FGD6: variants seen among roughly 807,000 people sequenced by gnomAD.
FGD6 encodes the protein FYVE, RhoGEF and PH domain-containing protein 6.
Under a neutral mutation model 149.4 loss-of-function variants are expected in FGD6, and 90 were observed. That is an observed-to-expected ratio of 0.60 (90% CI 0.51 to 0.72). FGD6 has a LOEUF of 0.72. FGD6 is among the 30% of genes least tolerant of loss of function. The probability of loss-of-function intolerance (pLI) is 0.00; values close to 1 mark genes in which losing one functional copy is unlikely to be tolerated. For missense variants in FGD6, 1,437 were observed against 1,684.8 expected (o/e 0.85, Z 2.57); for synonymous variants, 527 against 584.0 (o/e 0.90, Z 1.41).
At chr12:95,152,116 A>G (rs1880325778) in intron 5 of FGD6, among the ~76,000 whole-genome samples, 1 of 152,136 alleles carries the variant, frequency 6.6e-6, no homozygotes, top group African/African-American at 2.4e-5. Flanking sequence ...ACTTGAGCCC[A>G]TGAGTTTGAG....
intron 5 of FGD6, among the ~76,000 whole-genome samples, chr12:95,143,135 T>C (rs1375228646): frequency 1.3e-5 from 2 of 152,146 alleles, no homozygotes; most frequent in Admixed American, 1.3e-4. Context: ...AAATGACTAA[T>C]AGGCCTTATC....
chr12:95,171,307 G>A (rs1003917634), intron 3 of FGD6, among the ~76,000 whole-genome samples: 2 of 152,144 alleles, frequency 1.3e-5, no homozygotes, highest in African/African-American at 4.8e-5. Context: ...TATGGCACAG[G>A]AATTAGGCGA....
At chr12:95,116,444 T>C (rs1246624850) in intron 8 of FGD6, among the ~76,000 whole-genome samples, 1 of 152,194 alleles carries the variant, frequency 6.6e-6, no homozygotes, top group Non-Finnish European at 1.5e-5. Context: ...AATACAGAAG[T>C]ATATCCATGA....
intron 13 of FGD6, among the ~76,000 whole-genome samples, chr12:95,105,570 C>T (rs1051453578): frequency 6.6e-6 from 1 of 152,190 alleles, no homozygotes. Context: ...CAACTAGTTG[C>T]TAAGTCCCTG....
intron 8 of FGD6, among the ~76,000 whole-genome samples, chr12:95,129,573 A>G (rs577369969): frequency 6.6e-6 from 1 of 152,344 alleles, no homozygotes; most frequent in South Asian, 2.1e-4. Flanking sequence ...TCTGATAACT[A>G]CAAGTTAAGA....
At chr12:95,102,299 C>G (rs1878466172) in intron 14 of FGD6, among the ~76,000 whole-genome samples, 1 of 152,052 alleles carries the variant, frequency 6.6e-6, no homozygotes, top group South Asian at 2.1e-4. Context: ...AAAAACTTAG[C>G]TGGGCATGGT....
chr12:95,121,930 G>T (rs897199859), intron 8 of FGD6, among the ~76,000 whole-genome samples: 1 of 151,890 alleles, frequency 6.6e-6, no homozygotes, highest in Non-Finnish European at 1.5e-5. Flanking sequence ...ATTGTCTTGG[G>T]TTTCCTACTT....
intron 2 of FGD6, among the ~76,000 whole-genome samples, chr12:95,181,514 A>G (rs1010700320): frequency 1.3e-5 from 2 of 152,246 alleles, no homozygotes; most frequent in African/African-American, 2.4e-5. Flanking sequence ...CTCCTGAAAC[A>G]AGCACTACAT....
intron 14 of FGD6, among the ~76,000 whole-genome samples, chr12:95,097,209 G>A (rs1397146808): frequency 6.6e-6 from 1 of 152,178 alleles, no homozygotes; most frequent in African/African-American, 2.4e-5. Flanking sequence ...ATTAGCAGAA[G>A]AATCAGCATC....
intron 14 of FGD6, among the ~76,000 whole-genome samples, chr12:95,097,954 A>G (rs1172109415): frequency 6.6e-6 from 1 of 152,214 alleles, no homozygotes; most frequent in Admixed American, 6.5e-5. Flanking sequence ...GTGATGACAA[A>G]GTTAGGACTT....
chr12:95,166,943 A>T (rs558512435), intron 3 of FGD6, among the ~76,000 whole-genome samples: 14 of 142,074 alleles, frequency 9.9e-5, no homozygotes, highest in African/African-American at 3.7e-4. Context: ...TGCAACCTCT[A>T]CCTCCCGGGT....
At chr12:95,163,925 G>C (rs1187180658) in intron 3 of FGD6, among the ~76,000 whole-genome samples, 2 of 152,158 alleles carry the variant, frequency 1.3e-5, no homozygotes, top group African/African-American at 4.8e-5. Flanking sequence ...TCTCCAACTT[G>C]TAAGAACAAT....
intron 8 of FGD6, among the ~76,000 whole-genome samples, chr12:95,131,805 C>T (rs947300219): frequency 6.6e-6 from 1 of 151,988 alleles, no homozygotes; most frequent in African/African-American, 2.4e-5. Flanking sequence ...ATGGAAAAGC[C>T]GAGGTGGGCA....
At chr12:95,109,440 A>T (rs1878738849) in intron 9 of FGD6, among the ~76,000 whole-genome samples, 2 of 152,340 alleles carry the variant, frequency 1.3e-5, no homozygotes, top group Admixed American at 1.3e-4. Flanking sequence ...AGAAACCCAC[A>T]CAAAGATTAT....
In FGD6 at chr12:95,186,320, C is replaced by T. The variant is rs1418855983; in HGVS notation, c.2442-13576G>A. Reference sequence around the variant, plus strand: ...CTGGAGTGTAGTGGCACAATCTCGGCTTACTGCAACCTCTGCCTCCTGGGT... The same window carrying T: ...CTGGAGTGTAGTGGCACAATCTCGGTTTACTGCAACCTCTGCCTCCTGGGT... On this transcript the variant is annotated intron_variant, in intron 2 of 20. Transcript: ENST00000343958. Among the ~76,000 whole-genome samples the T allele has an allele frequency of 3.2e-5, 4 of 124,344 alleles. No individual in the cohort carries two copies. The East Asian group carries it at 1.0e-3, about 32-fold the overall frequency. 81.6% of individuals were successfully genotyped at this position (124,344 alleles called of 152,430 possible).
Position 95,208,800 on chromosome 12 carries a change from A to G in FGD6, c.2441+43T>C, listed in dbSNP as rs201392403. The stretch of plus-strand genomic sequence containing the variant: ...TAACTCACCAGGCTGTTGAAGGTTA[A>G]TTGCAATGATGCATGCAAAAGTGTC... On this transcript the variant is annotated intron_variant, in intron 2 of 20. Transcript: ENST00000343958. 2.0e-5 allele frequency: 32 copies of G among 1,564,682 alleles called. No individual in the cohort carries two copies. The African/African-American group carries it at 4.1e-4, about 20-fold the overall frequency.
In FGD6 at chr12:95,211,164, A is replaced by C. The variant is rs748312228; in HGVS notation, c.120T>G (p.Ser40Arg). 10 of 1,614,132 alleles carry C rather than the reference A, an allele frequency of 6.2e-6. No individual in the cohort carries two copies. The highest frequency in any genetic ancestry group is 8.5e-6 in the Non-Finnish European group (10 of 1,180,022). Residue 40 changes from serine to arginine, a missense_variant, in exon 2 of 21, where the codon AGT (serine) becomes AGG (arginine). Around this residue, in one of 2 missense-constraint regions of FGD6, gnomAD observed 1,055 missense variants for 1,146.0 expected, o/e 0.92. Coordinates refer to ENST00000343958, the MANE Select transcript of FGD6 (RefSeq NM_018351.4). ...TCATTTTCTTTGTCGACTGTGGAAC[A>C]CTAGAAATCACAATGTCGGGTTTAG... Reference protein sequence around the residue: ...IAPKPDIVISSVPQSTKKMKP... With the variant: ...IAPKPDIVISRVPQSTKKMKP...
Position 95,079,902 on chromosome 12 carries a change from T to C in FGD6, c.*1618A>G, listed in dbSNP as rs1278852942. On this transcript the variant is annotated 3_prime_UTR_variant, in exon 21 of 21. Transcript: ENST00000343958. Reference sequence around the variant, plus strand: ...TATTTAGAGGCAGAAAGGAAAATTCTTGTACCCTTTAAAGAAATATTATAT... The same window carrying C: ...TATTTAGAGGCAGAAAGGAAAATTCCTGTACCCTTTAAAGAAATATTATAT... 1.3e-5 allele frequency: 2 copies of C among 152,132 alleles called. No individual in the cohort carries two copies. The highest frequency in any genetic ancestry group is 3.8e-4 in the East Asian group (2 of 5,198). 9.4% of individuals were successfully genotyped at this position (152,132 alleles called of 1,614,324 possible).
chr12:95,195,250 A>T (rs1565921210), intron 2 of FGD6, among the ~76,000 whole-genome samples: 1 of 152,276 alleles, frequency 6.6e-6, no homozygotes. Context: ...CAGCAGGTAA[A>T]ATGTCACTAT....
Sources: gnomAD v4.1 joint callset for allele counts (sites outside exome capture counted in the v4.1 genomes callset) on GRCh38, gnomAD v4.1.1 for gene constraint, gnomAD v4.1.1 regional missense constraint, MANE v1.5 for transcripts, NCBI Gene and HGNC (gene_info 2026-07-23, HGNC 2026-07-21) for gene names.